The following PSPC1 variants were observed in gnomAD, a reference collection of about 807,000 sequenced individuals.
PSPC1 encodes the protein paraspeckle protein 1.
In PSPC1, 14 loss-of-function variants were observed where a neutral mutation model predicts 51.6. The observed-to-expected ratio is 0.27, with a 90% CI of 0.18 to 0.42. The LOEUF is 0.42. Ranked by LOEUF, PSPC1 falls within the 10% of genes least tolerant of loss-of-function variation. The pLI, the probability that PSPC1 is intolerant of heterozygous loss-of-function variation, is 1.00. For synonymous variants in PSPC1, 193 were observed against 231.9 expected (o/e 0.83, Z 1.53); for missense variants, 406 against 701.1 (o/e 0.58, Z 4.75).
downstream of PSPC1, chr13:19,672,006 C>G: frequency 1.2e-6 from 1 of 859,078 alleles, no homozygotes; most frequent in Non-Finnish European, 1.9e-6. Context: ...AGCCTGTTGT[C>G]TGTTGTAGTC....
intron 6 of PSPC1, among the ~76,000 whole-genome samples, chr13:19,710,726 T>C (rs1361780874): frequency 1.3e-5 from 2 of 152,136 alleles, no homozygotes; most frequent in East Asian, 3.9e-4. Context: ...GTAATCCTAA[T>C]GAAGCTACGG....
chr13:19,736,527 C>A (rs569353932), intron 5 of PSPC1, among the ~76,000 whole-genome samples: 5 of 151,764 alleles, frequency 3.3e-5, no homozygotes, highest in Admixed American at 2.0e-4. Context: ...ACTAAAAATA[C>A]AAAAAATTAG....
At chr13:19,713,541 C>G (rs1156757746) in intron 6 of PSPC1, among the ~76,000 whole-genome samples, 42 of 53,056 alleles carry the variant, frequency 7.9e-4, no homozygotes, top group African/African-American at 3.3e-3. Context: ...ATGTCCCAGA[C>G]AGCCAAAAAA....
At chr13:19,694,309 G>A (rs945184601) in intron 6 of PSPC1, among the ~76,000 whole-genome samples, 10 of 151,794 alleles carry the variant, frequency 6.6e-5, no homozygotes, top group Non-Finnish European at 1.0e-4. Flanking sequence ...ATTAAAATGT[G>A]ACTAAATTAT....
intron 6 of PSPC1, among the ~76,000 whole-genome samples, chr13:19,726,751 T>C (rs1400935771): frequency 5.9e-5 from 9 of 152,160 alleles, no homozygotes. Flanking sequence ...TTTTACATTG[T>C]CCTTGGAAGA....
intron 6 of PSPC1, chr13:19,678,491 G>C (rs1876912427): frequency 6.6e-6 from 1 of 152,144 alleles, no homozygotes; most frequent in South Asian, 2.1e-4. Flanking sequence ...ACATACAGCT[G>C]TGTGCTCAAT....
intron 7 of PSPC1, among the ~76,000 whole-genome samples, chr13:19,706,641 T>C (rs916402653): frequency 2.0e-5 from 3 of 152,184 alleles, no homozygotes; most frequent in Admixed American, 6.5e-5. Context: ...ACATATATGA[T>C]GATCTCAGAT....
chr13:19,690,139 C>A (rs1158131671), intron 6 of PSPC1, among the ~76,000 whole-genome samples: 2 of 152,156 alleles, frequency 1.3e-5, no homozygotes, highest in Non-Finnish European at 2.9e-5. Flanking sequence ...TACAATATAT[C>A]CAATGTATCA....
chr13:19,676,315 C>G (rs1014890212), intron 7 of PSPC1, among the ~76,000 whole-genome samples: 2 of 152,126 alleles, frequency 1.3e-5, no homozygotes, highest in Non-Finnish European at 2.9e-5. Flanking sequence ...ATTTCTGTTG[C>G]ATAGGCTGAG....
chr13:19,680,663 C>T (rs779177794), intron 6 of PSPC1, among the ~76,000 whole-genome samples: 7 of 152,086 alleles, frequency 4.6e-5, no homozygotes, highest in African/African-American at 7.2e-5. Flanking sequence ...AAGTGAAATC[C>T]TAAAAGTATA....
At chr13:19,708,083 A>T (rs1051632384) in intron 7 of PSPC1, among the ~76,000 whole-genome samples, 1 of 152,216 alleles carries the variant, frequency 6.6e-6, no homozygotes, top group Non-Finnish European at 1.5e-5. Context: ...TCCTGCATAT[A>T]TCAGAGATAT....
At chr13:19,730,138 T>C (rs1420408352) in intron 6 of PSPC1, 101 bp downstream of exon 6, 1 of 862,162 alleles carries the variant, frequency 1.2e-6, no homozygotes, top group Non-Finnish European at 1.8e-6. Context: ...TTTAGAAAGA[T>C]TAGAAAAGAC....
downstream of PSPC1, chr13:19,672,175 G>A (rs1348849067): frequency 6.9e-6 from 2 of 287,840 alleles, no homozygotes; most frequent in Non-Finnish European, 1.3e-5. Flanking sequence ...ACGGAGTTTC[G>A]CTCTTGTTGC....
chr13:19,728,595 A>C (rs1883661641), intron 6 of PSPC1, among the ~76,000 whole-genome samples: 1 of 152,160 alleles, frequency 6.6e-6, no homozygotes, highest in African/African-American at 2.4e-5. Flanking sequence ...TCCTATTAAT[A>C]TACTCCCATT....
rs182138081 is a variant in PSPC1, at chr13:19,781,028, G to A, written c.372+1358C>T. Among the ~76,000 whole-genome samples, 18 of 151,812 alleles carry A rather than the reference G, an allele frequency of 1.2e-4. 1 individual carries two copies. The East Asian group carries it at 3.0e-3, about 25-fold the overall frequency. Reference sequence around the variant, plus strand: ...AAAAATTAGGCAGGCTTGGGGGTGCGTGACTGTAGTCCCCGTCCCAGCTAC... The same window carrying A: ...AAAAATTAGGCAGGCTTGGGGGTGCATGACTGTAGTCCCCGTCCCAGCTAC... On this transcript the variant is annotated intron_variant, in intron 1 of 8. Coordinates refer to ENST00000338910, the MANE Select transcript of PSPC1 (RefSeq NM_001354909.2).
intron 2 of PSPC1, among the ~76,000 whole-genome samples, chr13:19,766,776 G>A (rs1006748611): frequency 2.0e-5 from 3 of 151,832 alleles, no homozygotes; most frequent in Non-Finnish European, 2.9e-5. Flanking sequence ...GATGACTTGA[G>A]CCTAGCAGGT....
intron 6 of PSPC1, among the ~76,000 whole-genome samples, chr13:19,726,998 T>C (rs1302897688): frequency 6.6e-6 from 1 of 152,192 alleles, no homozygotes; most frequent in African/African-American, 2.4e-5. Context: ...TAATAGTAAG[T>C]CAGGTATATA....
chr13:19,781,514 A>G (rs1341815145), intron 1 of PSPC1, among the ~76,000 whole-genome samples: 2 of 152,164 alleles, frequency 1.3e-5, no homozygotes, highest in African/African-American at 4.8e-5. Context: ...CTGTGTATCA[A>G]CTATTCTCCC....
At chr13:19,677,580 T>A in intron 7 of PSPC1, 1 of 339,842 alleles carries the variant, frequency 2.9e-6, no homozygotes, top group South Asian at 2.4e-5. Context: ...TTCATAAATA[T>A]TCTACTGACT....
Sources: gnomAD v4.1 joint callset for allele counts (sites outside exome capture counted in the v4.1 genomes callset) on GRCh38, gnomAD v4.1.1 for gene constraint, MANE v1.5 for transcripts, NCBI Gene and HGNC (gene_info 2026-07-23, HGNC 2026-07-21) for gene names.